The following VBP1 variants were observed in gnomAD, a reference collection of about 807,000 sequenced individuals.
The protein encoded by VBP1 is VHL binding protein 1.
Under a neutral mutation model 15.5 loss-of-function variants are expected in VBP1, and 4 were observed. The ratio of observed to expected loss-of-function variants is 0.26; its 90% confidence interval spans 0.13 to 0.59. VBP1 has a LOEUF of 0.59. VBP1 is among the 20% of genes least tolerant of loss of function. VBP1 has a pLI of 0.90. For missense variants in VBP1, 108 were observed against 139.6 expected (o/e 0.77, Z 1.14); for synonymous variants, 61 against 52.1 (o/e 1.17, Z -0.74).
chrX:155,197,289 C>T (rs782750756), intron 1 of VBP1: 7 of 111,490 alleles, frequency 6.3e-5, no homozygotes, highest in Non-Finnish European at 1.3e-4. Flanking sequence ...TCCTGTTCCT[C>T]AGGAAATTTG....
intron 1 of VBP1, among the ~76,000 whole-genome samples, chrX:155,207,474 G>T (rs1358802677): frequency 3.6e-5 from 4 of 111,633 alleles, no homozygotes; most frequent in Non-Finnish European, 7.5e-5. Flanking sequence ...CAATTTCAAG[G>T]ATTTCTAGGC....
intron 5 of VBP1, among the ~76,000 whole-genome samples, chrX:155,237,768 A>C (rs1297571821): frequency 1.8e-5 from 2 of 112,481 alleles, no homozygotes; most frequent in Admixed American, 1.9e-4. Context: ...AGCTTTCCTG[A>C]ACATTTTCTG....
At chrX:155,214,807 T>C (rs1225005912), upstream of VBP1, among the ~76,000 whole-genome samples, 1 of 92,483 alleles carries the variant, frequency 1.1e-5, no homozygotes, top group Non-Finnish European at 2.0e-5. Context: ...TGACCACCTA[T>C]AGAGTTGATA....
chrX:155,209,114 A>C (rs2124048910), intron 2 of VBP1: 2 of 569,797 alleles, frequency 3.5e-6, no homozygotes, highest in Non-Finnish European at 2.7e-6. Context: ...AAGAAAGCAT[A>C]GTTCTAACAT....
intron 4 of VBP1, among the ~76,000 whole-genome samples, chrX:155,229,783 C>T (rs2074737044): frequency 1.8e-5 from 2 of 112,148 alleles, no homozygotes; most frequent in African/African-American, 3.2e-5. Flanking sequence ...ACAATCTTCT[C>T]CATCTCAGTA....
intron 2 of VBP1, 32 bp downstream of exon 2, chrX:155,220,339 C>T: frequency 9.2e-7 from 1 of 1,087,592 alleles, no homozygotes; most frequent in Non-Finnish European, 1.2e-6. Context: ...TTTTGAAAAT[C>T]TTATATGACT....
intron 4 of VBP1, among the ~76,000 whole-genome samples, chrX:155,231,814 G>A (rs1394720029): frequency 2.7e-5 from 3 of 112,303 alleles, no homozygotes; most frequent in Non-Finnish European, 5.6e-5. Flanking sequence ...CTGTGGTAGG[G>A]CTATGTGATA....
chrX:155,214,768 C>CTTTT (rs782556765), upstream of VBP1, among the ~76,000 whole-genome samples: 1 of 83,076 alleles, frequency 1.2e-5, no homozygotes, highest in African/African-American at 5.2e-5. Context: ...TTTTCTTTTC[C>CTTTT]TTTTTTTTTT....
At chrX:155,204,309 C>T (rs782407252) in intron 1 of VBP1, among the ~76,000 whole-genome samples, 3 of 110,720 alleles carry the variant, frequency 2.7e-5, no homozygotes, top group African/African-American at 9.9e-5. Flanking sequence ...TTTGACACCA[C>T]GCCAGGCTAA....
rs1233448608 is a variant in VBP1 at position 155,203,082 on chromosome X, A to T, written c.-30-5792A>T. ...GAGATACCGTCTCACACCAGTTAGAATGGCGATCATTAAAAAGTCAGGAAA... is the reference window on the plus strand; with the variant it reads ...GAGATACCGTCTCACACCAGTTAGATTGGCGATCATTAAAAAGTCAGGAAA... On this transcript the variant is annotated intron_variant, in intron 1 of 6. Coordinates refer to the VBP1 transcript ENST00000535916. 1.2e-4 allele frequency among the ~76,000 whole-genome samples: 13 copies of T among 112,125 alleles called. No homozygotes were observed. In the East Asian group the frequency reaches 3.4e-3, roughly 29 times the overall value.
intron 1 of VBP1, 56 bp downstream of exon 1, chrX:155,216,631 C>A (rs2074665890): frequency 8.6e-7 from 1 of 1,158,460 alleles, no homozygotes; most frequent in African/African-American, 1.8e-5. Context: ...CTGCCCCTTT[C>A]TTCCCGGCTC....
At chrX:155,237,735 A>G (rs1221310395) in intron 5 of VBP1, among the ~76,000 whole-genome samples, 1 of 112,071 alleles carries the variant, frequency 8.9e-6, no homozygotes, top group Non-Finnish European at 1.9e-5. Flanking sequence ...CTTTTACCCT[A>G]AATATCTCAG....
chrX:155,206,334 C>T (rs1301255578), intron 1 of VBP1, among the ~76,000 whole-genome samples: 4 of 109,555 alleles, frequency 3.7e-5, no homozygotes, highest in East Asian at 5.8e-4. Context: ...CTTGGGTTCA[C>T]GCCATTCTCC....
intron 1 of VBP1, among the ~76,000 whole-genome samples, chrX:155,216,814 G>A (rs2074667022): frequency 8.9e-6 from 1 of 112,179 alleles, no homozygotes; most frequent in Admixed American, 9.3e-5. Context: ...CGGGACGAGG[G>A]GCGAGGGGCG....
intron 1 of VBP1, among the ~76,000 whole-genome samples, chrX:155,204,536 G>T (rs1479194946): frequency 1.8e-5 from 2 of 111,889 alleles, no homozygotes; most frequent in African/African-American, 6.5e-5. Context: ...ATTTTTAAAT[G>T]GAAGGTAATC....
At chrX:155,222,668 T>G (rs2074695293) in intron 2 of VBP1, among the ~76,000 whole-genome samples, 1 of 111,912 alleles carries the variant, frequency 8.9e-6, no homozygotes, top group East Asian at 2.8e-4. Flanking sequence ...TAGCTTAACA[T>G]ATGGTCTAGG....
upstream of VBP1, among the ~76,000 whole-genome samples, chrX:155,214,835 G>A (rs1294026145): frequency 2.0e-5 from 2 of 100,595 alleles, no homozygotes; most frequent in Non-Finnish European, 3.9e-5. Flanking sequence ...TGTACTCTTG[G>A]AAAAGCTGCT....
chrX:155,222,018 G>C (rs1557309629), intron 2 of VBP1, among the ~76,000 whole-genome samples: 2 of 112,686 alleles, frequency 1.8e-5, no homozygotes. Context: ...ATTAACAGTG[G>C]TAATCTCTGG....
chrX:155,227,168 G>A, intron 2 of VBP1, 67 bp from the exon 3 acceptor site: 1 of 962,558 alleles, frequency 1.0e-6, no homozygotes, highest in South Asian at 2.2e-5. Flanking sequence ...TGCAAAGTTA[G>A]TAAGACCGTG....
Sources: allele counts gnomAD v4.1 joint callset (sites outside exome capture counted in the v4.1 genomes callset), GRCh38; gene constraint gnomAD v4.1.1; transcripts MANE v1.5; gene names NCBI Gene and HGNC (gene_info 2026-07-23, HGNC 2026-07-21).